CTTNBP2: variants seen among roughly 807,000 people sequenced by gnomAD.
CTTNBP2 encodes the protein cortactin-binding protein 2.
CTTNBP2 carries 108 observed loss-of-function variants against 156.9 expected under a neutral mutation model. That is an observed-to-expected ratio of 0.69 (90% CI 0.59 to 0.81). The LOEUF is 0.81. CTTNBP2 is among the 30% of genes least tolerant of loss of function. CTTNBP2 has a pLI of 0.00. For synonymous variants in CTTNBP2, 767 were observed against 751.8 expected, an observed-to-expected ratio of 1.02 and a Z score of -0.33; for missense variants, 1,924 against 2,035.4, an observed-to-expected ratio of 0.95 and a Z score of 1.05.
At chr7:117,767,543 A>T (rs767622020) in intron 8 of CTTNBP2, among the ~76,000 whole-genome samples, 9 of 152,216 alleles carry the variant, frequency 5.9e-5, no homozygotes, top group Non-Finnish European at 1.2e-4. Context: ...AAACAAAAAG[A>T]CTTTTGCTAT....
At chr7:117,789,661 C>T (rs1585007463) in intron 4 of CTTNBP2, among the ~76,000 whole-genome samples, 1 of 152,156 alleles carries the variant, frequency 6.6e-6, no homozygotes, top group South Asian at 2.1e-4. Context: ...AGCAAATTCT[C>T]AAAAATACTG....
chr7:117,743,118 AGAT>A (rs1455672452), intron 14 of CTTNBP2, among the ~76,000 whole-genome samples: 1 of 152,250 alleles, frequency 6.6e-6, no homozygotes, highest in Non-Finnish European at 1.5e-5. Flanking sequence ...CTTTTTAAGA[AGAT>A]GCCCACCATA....
intron 22 of CTTNBP2, 107 bp from the exon 23 acceptor site, chr7:117,711,889 A>G (rs1412251574): frequency 1.8e-6 from 2 of 1,123,950 alleles, no homozygotes; most frequent in African/African-American, 1.6e-5. Flanking sequence ...CTCTAAAACT[A>G]TAGGTTCTCG....
At chr7:117,833,147 A>G (rs1801724785) in intron 2 of CTTNBP2, among the ~76,000 whole-genome samples, 1 of 152,152 alleles carries the variant, frequency 6.6e-6, no homozygotes, top group Non-Finnish European at 1.5e-5. Context: ...TCCCACAAAC[A>G]GAGGCAGTCC....
At chr7:117,806,921 A>T (rs1020617757) in intron 3 of CTTNBP2, among the ~76,000 whole-genome samples, 3 of 151,402 alleles carry the variant, frequency 2.0e-5, no homozygotes, top group Non-Finnish European at 4.4e-5. Flanking sequence ...ACCACACCTG[A>T]CTAAGTTTTG....
At chr7:117,768,782 A>G (rs1398127043) in intron 8 of CTTNBP2, among the ~76,000 whole-genome samples, 1 of 152,086 alleles carries the variant, frequency 6.6e-6, no homozygotes, top group Non-Finnish European at 1.5e-5. Context: ...TCTATTTGTG[A>G]ACTCTATATA....
chr7:117,868,985 C>T (rs569052278), intron 1 of CTTNBP2, among the ~76,000 whole-genome samples: 3 of 152,280 alleles, frequency 2.0e-5, no homozygotes, highest in Non-Finnish European at 4.4e-5. Flanking sequence ...TTCTCTTAAC[C>T]CCCTATCAAT....
At chr7:117,761,707 G>A (rs927138057) in intron 9 of CTTNBP2, among the ~76,000 whole-genome samples, 2 of 152,110 alleles carry the variant, frequency 1.3e-5, no homozygotes, top group Non-Finnish European at 2.9e-5. Flanking sequence ...TCATAAATGT[G>A]TTTAAGCAGT....
At chr7:117,764,762 A>C (rs1797387008) in intron 9 of CTTNBP2, among the ~76,000 whole-genome samples, 1 of 152,120 alleles carries the variant, frequency 6.6e-6, no homozygotes, top group Non-Finnish European at 1.5e-5. Context: ...GAGTGCTTTC[A>C]GTTTTCTAGT....
At chr7:117,797,875 G>A (rs926128908) in intron 3 of CTTNBP2, among the ~76,000 whole-genome samples, 11 of 151,970 alleles carry the variant, frequency 7.2e-5, no homozygotes, top group African/African-American at 2.7e-4. Context: ...ACAGAATGCA[G>A]AAGAAAAATA....
chr7:117,843,685 T>A (rs989016344), intron 2 of CTTNBP2, among the ~76,000 whole-genome samples: 1 of 152,160 alleles, frequency 6.6e-6, no homozygotes, highest in Non-Finnish European at 1.5e-5. Flanking sequence ...GACTGTGAGC[T>A]GAAGGGTGAC....
At chr7:117,761,370 G>A (rs2116657519) in intron 9 of CTTNBP2, among the ~76,000 whole-genome samples, 1 of 152,338 alleles carries the variant, frequency 6.6e-6, no homozygotes, top group Non-Finnish European at 1.5e-5. Flanking sequence ...CTTTTGAAAT[G>A]TTCTTTCCAA....
intron 8 of CTTNBP2, among the ~76,000 whole-genome samples, chr7:117,768,581 A>AAAAGAAAGAAAGAAAG (rs527295714): frequency 1.3e-4 from 13 of 99,118 alleles, no homozygotes; most frequent in Middle Eastern, 6.0e-3. Context: ...AAAAAAAAAA[A>AAAAGAAAGAAAGAAAG]AAAGAAAGAA....
At chr7:117,871,318 A>G (rs1464117984) in intron 1 of CTTNBP2, among the ~76,000 whole-genome samples, 6 of 152,214 alleles carry the variant, frequency 3.9e-5, no homozygotes, top group Non-Finnish European at 1.5e-5. Flanking sequence ...AACTATTTGG[A>G]GAACTAAAAT....
intron 22 of CTTNBP2, chr7:117,715,718 AAAT>A (rs1306301846): frequency 1.3e-5 from 2 of 152,186 alleles, no homozygotes; most frequent in African/African-American, 4.8e-5. Context: ...ATATTGTTGC[AAAT>A]AATAAAGATA....
At chr7:117,722,903 T>C (rs760114127) in intron 19 of CTTNBP2, among the ~76,000 whole-genome samples, 15 of 152,208 alleles carry the variant, frequency 9.9e-5, no homozygotes, top group Non-Finnish European at 2.1e-4. Flanking sequence ...TTGGAGCAGG[T>C]GCCCAAGGGT....
intron 14 of CTTNBP2, among the ~76,000 whole-genome samples, chr7:117,739,859 A>G (rs1300699913): frequency 6.6e-6 from 1 of 152,216 alleles, no homozygotes; most frequent in East Asian, 1.9e-4. Context: ...TCCAATTGTC[A>G]TAGTCTCCTA....
chr7:117,796,837 A>G (rs1477289150), intron 3 of CTTNBP2, among the ~76,000 whole-genome samples: 5 of 152,356 alleles, frequency 3.3e-5, no homozygotes, highest in Admixed American at 2.0e-4. Flanking sequence ...TAATTTAGCA[A>G]TTATGAAATA....
At chr7:117,826,358 T>A (rs1019053732) in intron 2 of CTTNBP2, among the ~76,000 whole-genome samples, 7 of 152,062 alleles carry the variant, frequency 4.6e-5, no homozygotes, top group African/African-American at 1.7e-4. Flanking sequence ...TGAAACAGAA[T>A]CCTGTTTCAA....
Sources: allele counts gnomAD v4.1 joint callset (sites outside exome capture counted in the v4.1 genomes callset), GRCh38; gene constraint gnomAD v4.1.1; transcripts MANE v1.5; gene names NCBI Gene and HGNC (gene_info 2026-07-23, HGNC 2026-07-21).